The following DPP10 variants were observed in gnomAD, a reference collection of about 807,000 sequenced individuals.
The protein encoded by DPP10 is dipeptidyl peptidase like 10.
In DPP10, 33 loss-of-function variants were observed where a neutral mutation model predicts 120.9. The observed-to-expected ratio is 0.27, with a 90% confidence interval of 0.21 to 0.37. The LOEUF (loss-of-function observed/expected upper bound fraction) is 0.37. Ranked by LOEUF, DPP10 falls within the 10% of genes least tolerant of loss-of-function variation. The probability of loss-of-function intolerance (pLI) is 1.00; values close to 1 mark genes in which losing one functional copy is unlikely to be tolerated. For missense variants in DPP10, 816 were observed against 942.8 expected (o/e 0.87, Z 1.76); for synonymous variants, 337 against 326.1 (o/e 1.03, Z -0.36).
chr2:115,834,434 C>A (rs967792554), intron 21 of DPP10, among the ~76,000 whole-genome samples: 5 of 151,864 alleles, frequency 3.3e-5, no homozygotes, highest in Non-Finnish European at 5.9e-5. Context: ...TTCTGATTTC[C>A]AGTAGCATAA....
intron 11 of DPP10, among the ~76,000 whole-genome samples, chr2:115,756,508 T>C (rs1294645322): frequency 1.3e-5 from 2 of 151,964 alleles, no homozygotes; most frequent in Non-Finnish European, 2.9e-5. Context: ...CCAAAGTGAA[T>C]GTATGAAGAG....
intron 3 of DPP10, among the ~76,000 whole-genome samples, chr2:115,442,196 A>G (rs1447038050): frequency 2.0e-5 from 3 of 151,918 alleles, no homozygotes; most frequent in Non-Finnish European, 4.4e-5. Flanking sequence ...CCTAGATTTA[A>G]TGCACAAGCC....
At chr2:115,057,768 T>C (rs1007005084) in intron 1 of DPP10, among the ~76,000 whole-genome samples, 2 of 152,128 alleles carry the variant, frequency 1.3e-5, no homozygotes, top group African/African-American at 2.4e-5. Context: ...ATAAGAATCA[T>C]AGAATTTAGG....
chr2:115,789,902 T>C (rs1299675231), intron 17 of DPP10, among the ~76,000 whole-genome samples: 1 of 152,124 alleles, frequency 6.6e-6, no homozygotes, highest in Non-Finnish European at 1.5e-5. Flanking sequence ...TAAAAATGAA[T>C]ACCTCCTCTA....
chr2:115,410,786 A>C (rs915037233), intron 3 of DPP10, among the ~76,000 whole-genome samples: 5 of 152,230 alleles, frequency 3.3e-5, no homozygotes, highest in African/African-American at 1.2e-4. Context: ...CCATGTAACC[A>C]AAACCACCTG....
intron 1 of DPP10, among the ~76,000 whole-genome samples, chr2:115,206,623 G>A (rs1044163314): frequency 3.3e-5 from 5 of 152,142 alleles, no homozygotes; most frequent in Non-Finnish European, 7.3e-5. Flanking sequence ...AAATAAATGA[G>A]TAACATGGAA....
chr2:115,082,207 G>A (rs1708330396), intron 1 of DPP10, among the ~76,000 whole-genome samples: 1 of 152,142 alleles, frequency 6.6e-6, no homozygotes, highest in African/African-American at 2.4e-5. Flanking sequence ...ATTAGGTTAA[G>A]TAAGGTCTTA....
intron 1 of DPP10, among the ~76,000 whole-genome samples, chr2:114,758,935 G>A (rs955279846): frequency 6.6e-6 from 1 of 152,158 alleles, no homozygotes; most frequent in African/African-American, 2.4e-5. Flanking sequence ...AAGTGAAAAT[G>A]GATGTTCAGA....
intron 3 of DPP10, among the ~76,000 whole-genome samples, chr2:115,482,266 T>C (rs901624389): frequency 6.6e-6 from 1 of 151,590 alleles, no homozygotes; most frequent in African/African-American, 2.4e-5. Context: ...AATGTATGTA[T>C]ACATCATAAT....
At chr2:115,808,160 G>A (rs1031006224) in intron 19 of DPP10, among the ~76,000 whole-genome samples, 3 of 152,158 alleles carry the variant, frequency 2.0e-5, no homozygotes, top group Admixed American at 1.3e-4. Flanking sequence ...TGTGCGAAAG[G>A]CACAATATTT....
chr2:114,629,980 G>A (rs1469981810), intron 1 of DPP10, among the ~76,000 whole-genome samples: 1 of 152,048 alleles, frequency 6.6e-6, no homozygotes, highest in Admixed American at 6.6e-5. Context: ...TAAATATACA[G>A]TGTTAAGTAA....
chr2:115,455,098 A>C (rs1172591327), intron 3 of DPP10, among the ~76,000 whole-genome samples: 1 of 151,484 alleles, frequency 6.6e-6, no homozygotes, highest in Non-Finnish European at 1.5e-5. Flanking sequence ...CTAAGAATAT[A>C]AATAAAAAAG....
chr2:114,767,493 G>A (rs1239065228), intron 1 of DPP10, among the ~76,000 whole-genome samples: 1 of 151,958 alleles, frequency 6.6e-6, no homozygotes, highest in Admixed American at 6.6e-5. Flanking sequence ...GGATGCCCAT[G>A]ATGTAGACAT....
chr2:114,553,163 A>C (rs1048211247), intron 1 of DPP10, among the ~76,000 whole-genome samples: 1 of 152,182 alleles, frequency 6.6e-6, no homozygotes, highest in African/African-American at 2.4e-5. Flanking sequence ...ATTGCTGTAC[A>C]TCACATTTCA....
intron 1 of DPP10, among the ~76,000 whole-genome samples, chr2:115,279,593 G>C (rs564426555): frequency 6.8e-6 from 1 of 148,060 alleles, no homozygotes; most frequent in Admixed American, 6.7e-5. Flanking sequence ...CCAGAATTTT[G>C]GGTAGCATTT....
intron 2 of DPP10, among the ~76,000 whole-genome samples, chr2:115,334,230 G>GTTTCTTTTTTTTTTT (rs1553554650): frequency 1.8e-5 from 1 of 56,412 alleles, no homozygotes; most frequent in Non-Finnish European, 4.0e-5. Flanking sequence ...AGCAGACTCT[G>GTTTCTTTTTTTTTTT]TTTTTTTTTT....
At chr2:115,378,585 C>G (rs938096266) in intron 3 of DPP10, among the ~76,000 whole-genome samples, 2 of 150,360 alleles carry the variant, frequency 1.3e-5, no homozygotes, top group African/African-American at 4.9e-5. Flanking sequence ...ACTTCCAACA[C>G]TATGTTGAAT....
chr2:115,129,160 A>G (rs1289420036), intron 1 of DPP10, among the ~76,000 whole-genome samples: 1 of 152,222 alleles, frequency 6.6e-6, no homozygotes, highest in Non-Finnish European at 1.5e-5. Flanking sequence ...AAAGAGGCTT[A>G]AAGAGATAGG....
chr2:115,067,409 G>A (rs1706960962), intron 1 of DPP10, among the ~76,000 whole-genome samples: 2 of 151,082 alleles, frequency 1.3e-5, no homozygotes, highest in African/African-American at 4.8e-5. Flanking sequence ...CCGCCACCAC[G>A]CCCGGCTAAT....
Sources: gnomAD v4.1 joint callset for allele counts (sites outside exome capture counted in the v4.1 genomes callset) on GRCh38, gnomAD v4.1.1 for gene constraint, MANE v1.5 for transcripts, NCBI Gene and HGNC (gene_info 2026-07-23, HGNC 2026-07-21) for gene names.